Variants in CDHR3 observed in about 807,000 individuals in gnomAD.
CDHR3 encodes the protein cadherin-related family member 3.
A neutral mutation model predicts 86.6 loss-of-function variants in CDHR3; 79 were observed. The ratio of observed to expected loss-of-function variants is 0.91; its 90% CI spans 0.76 to 1.10. The LOEUF is 1.10. CDHR3 is among the 50% of genes least tolerant of loss of function. The pLI, the probability that CDHR3 is intolerant of heterozygous loss-of-function variation, is 0.00. For synonymous variants in CDHR3, 421 were observed against 402.4 expected (o/e 1.05, Z -0.55); for missense variants, 1,081 against 1,077.6 (o/e 1.00, Z -0.04).
At chr7:106,004,160 C>T (rs1833616108) in intron 7 of CDHR3, among the ~76,000 whole-genome samples, 3 of 152,182 alleles carry the variant, frequency 2.0e-5, no homozygotes, top group African/African-American at 7.2e-5. Flanking sequence ...GACTGATCCT[C>T]CAATGTGTGC....
At chr7:105,965,573 C>CCCCA in intron 1 of CDHR3, among the ~76,000 whole-genome samples, 1 of 118,848 alleles carries the variant, frequency 8.4e-6, no homozygotes, top group African/African-American at 2.8e-5. Context: ...CCCCACCCCC[C>CCCCA]CCCATGGAGT....
At position 106,022,365 on chromosome 7, in the gene CDHR3, G is replaced by A. The variant is rs1585825541; in HGVS notation, c.1993G>A (p.Glu665Lys). The A allele has an allele frequency of 6.2e-7, 1 of 1,614,024 alleles. No individual in the cohort carries two copies. ...DNLMSDRKKA[E>K]ALVETGTVTL... is the part of the protein sequence containing the mutation. Reference sequence around the variant, plus strand: ...CTTGATGTCTGACAGGAAGAAAGCGGAGGCTCTTGTTGAGACAGGAACAGT... The same window carrying A: ...CTTGATGTCTGACAGGAAGAAAGCGAAGGCTCTTGTTGAGACAGGAACAGT... The change falls in exon 14 of 19, where the codon GAG becomes AAG. Residue 665 changes from glutamate (E) to lysine (K), a missense_variant. Physicochemically the swap from Glu to Lys is moderately conservative, Grantham distance 56. Transcript: ENST00000317716.
intron 8 of CDHR3, 185 bp downstream of exon 8, chr7:106,004,872 C>T (rs1046573905): frequency 1.8e-5 from 11 of 608,386 alleles, no homozygotes; most frequent in Non-Finnish European, 2.8e-5. Flanking sequence ...TTTCTTCCCT[C>T]TCTTTCATTT....
In CDHR3 at chr7:105,977,249, C is replaced by G. The variant is rs116095389; in HGVS notation, c.249+2203C>G. ...ATAGCCGTAAAAGGTGAAATAAGAA[C>G]TTCATTCAGTCTCCTGATTTCCAGT... On this transcript the variant is annotated intron_variant, in intron 2 of 18. Coordinates refer to ENST00000317716, the MANE Select transcript of CDHR3 (RefSeq NM_152750.5). 2.8e-3 allele frequency among the ~76,000 whole-genome samples: 429 copies of G among 152,332 alleles called. 2 individuals carry two copies. The highest frequency in any genetic ancestry group is 9.3e-3 in the African/African-American group (385 of 41,572).
At chr7:105,986,889 A>G (rs1171503623) in intron 4 of CDHR3, among the ~76,000 whole-genome samples, 3 of 152,146 alleles carry the variant, frequency 2.0e-5, no homozygotes, top group African/African-American at 7.2e-5. Flanking sequence ...TTCAATTGCC[A>G]AGATGTCATA....
Position 106,015,181 on chromosome 7 carries a change from A to G in CDHR3, c.1295A>G (p.Gln432Arg), listed in dbSNP as rs1250252525. ...GGCAATAAATATACGGTGATAATCC[A>G]GGTGCAGGATGTGGCCCCCCCTTAC... ...AAGNKYTVII[Q>R]VQDVAPPYYK... The change falls in exon 10 of 19, where the codon CAG becomes CGG. Residue 432 changes from glutamine to arginine, a missense_variant. Transcript: ENST00000317716. 2 of 1,611,122 alleles carry G rather than the reference A, an allele frequency of 1.2e-6. No homozygotes were observed. The highest frequency in any genetic ancestry group is 2.2e-5 in the East Asian group (1 of 44,852).
intron 4 of CDHR3, among the ~76,000 whole-genome samples, chr7:105,989,215 CA>C (rs200340371): frequency 2.0e-3 from 236 of 117,082 alleles, no homozygotes; most frequent in African/African-American, 7.2e-3. Context: ...TTTGGGTACC[CA>C]CCCCCCCACC....
chr7:105,970,113 C>T (rs1827719065), intron 1 of CDHR3, among the ~76,000 whole-genome samples: 1 of 152,088 alleles, frequency 6.6e-6, no homozygotes, highest in South Asian at 2.1e-4. Flanking sequence ...GTGATGGTCT[C>T]AGGGAGTCCT....
Position 106,032,827 on chromosome 7 carries a change from G to C in CDHR3, c.*130G>C. On this transcript the variant is annotated 3_prime_UTR_variant, in exon 19 of 19. Transcript: ENST00000317716. ...GATTCAGACATCCAGGGTCAAACAT[G>C]GGATGTTTGACAAATTTTTAAACAA... The C allele has an allele frequency of 2.1e-6, 2 of 956,296 alleles. No individual in the cohort carries two copies. The highest frequency in any genetic ancestry group is 3.0e-6 in the Non-Finnish European group (2 of 659,398). The allele number at this position is 956,296 out of a possible 1,614,324, so 59.2% of individuals were successfully genotyped here.
At chr7:106,000,343 C>T (rs1267132570) in intron 6 of CDHR3, among the ~76,000 whole-genome samples, 1 of 152,172 alleles carries the variant, frequency 6.6e-6, no homozygotes, top group Non-Finnish European at 1.5e-5. Flanking sequence ...AGCCCTGGTT[C>T]CTGCCTTTCT....
chr7:106,017,564 GACACACACACAC>G lies in CDHR3; in HGVS notation c.1427-248_1427-237del, dbSNP rs539661927. Reference sequence around the variant, plus strand: ...ACAGAGTGAGACTCCGTCACACACAGACACACACACACACACACACACACACACACACACACA... The same window carrying G: ...ACAGAGTGAGACTCCGTCACACACAGACACACACACACACACACACACACA... On this transcript the variant is annotated intron_variant, in intron 11 of 18. Coordinates refer to ENST00000317716, the MANE Select transcript of CDHR3 (RefSeq NM_152750.5). 1.7e-3 allele frequency among the ~76,000 whole-genome samples: 222 copies of G among 130,640 alleles called. 4 individuals carry two copies. In the South Asian group the frequency reaches 0.043, roughly 25 times the overall value. 85.7% of individuals were successfully genotyped at this position (130,640 alleles called of 152,430 possible). A position where few individuals can be genotyped will look rare whatever the true frequency, so the allele number is the denominator to read the frequency against.
intron 6 of CDHR3, among the ~76,000 whole-genome samples, chr7:105,998,678 G>A (rs1471118152): frequency 1.3e-5 from 2 of 152,108 alleles, no homozygotes; most frequent in Non-Finnish European, 1.5e-5. Flanking sequence ...CAGCTACTCA[G>A]GAAGCTGAGA....
chr7:106,018,186 C>CA, intron 12 of CDHR3, 114 bp downstream of exon 12: 1 of 751,532 alleles, frequency 1.3e-6, no homozygotes, highest in Non-Finnish European at 2.2e-6. Context: ...GTACATCCTG[C>CA]GGATGTGGTG....
intron 17 of CDHR3, among the ~76,000 whole-genome samples, chr7:106,029,228 A>G (rs763024494): frequency 1.3e-5 from 2 of 152,028 alleles, no homozygotes; most frequent in Non-Finnish European, 2.9e-5. Flanking sequence ...TGATCCACCC[A>G]CTGTGGCCTC....
chr7:105,969,433 A>C (rs1827576128), intron 1 of CDHR3, among the ~76,000 whole-genome samples: 1 of 150,064 alleles, frequency 6.7e-6, no homozygotes, highest in Non-Finnish European at 1.5e-5. Flanking sequence ...GTTTCGTTGT[A>C]ACCGTGGGTC....
At chr7:106,006,728 A>C (rs1220257993) in intron 8 of CDHR3, among the ~76,000 whole-genome samples, 1 of 152,080 alleles carries the variant, frequency 6.6e-6, no homozygotes, top group Non-Finnish European at 1.5e-5. Context: ...GGATGCTTTC[A>C]TGGGCTGGCA....
In CDHR3 at chr7:105,981,253, G is replaced by A. The variant is rs560216490; in HGVS notation, c.415+120G>A. 54 of 915,738 alleles carry A rather than the reference G, an allele frequency of 5.9e-5. No individual in the cohort carries two copies. The African/African-American group carries it at 7.0e-4, about 12-fold the overall frequency. The allele number at this position is 915,738 out of a possible 1,614,324, so 56.7% of individuals were successfully genotyped here. A position where few individuals can be genotyped will look rare whatever the true frequency, so the allele number is the denominator to read the frequency against. On this transcript the variant is annotated intron_variant, in intron 3 of 18. Transcript: ENST00000317716. Reference sequence around the variant, plus strand: ...AGCTGTTTCCCTGGAAAAGGCAGCTGCTTAATGAGCAGGGAATAAATGAAA... The same window carrying A: ...AGCTGTTTCCCTGGAAAAGGCAGCTACTTAATGAGCAGGGAATAAATGAAA...
chr7:106,003,758 C>G (rs1454639263), intron 7 of CDHR3, among the ~76,000 whole-genome samples: 2 of 152,042 alleles, frequency 1.3e-5, no homozygotes, highest in African/African-American at 4.8e-5. Flanking sequence ...GCAAAAGACA[C>G]CTATTCCCAG....
chr7:105,974,864 A>G lies in CDHR3; in HGVS notation c.67A>G (p.Ile23Val). Residue 23 changes from isoleucine (I) to valine (V), a missense_variant, in exon 2 of 19, where the codon ATC (isoleucine) becomes GTC (valine). By Grantham distance (29) the Ile-to-Val change is conservative. Coordinates refer to ENST00000317716, the MANE Select transcript of CDHR3 (RefSeq NM_152750.5). ...CACAGGGGGAGAAGCACTACACCTAATCCTCTTACCTGCTACAGGCAATGT... is the reference window on the plus strand; with the variant it reads ...CACAGGGGGAGAAGCACTACACCTAGTCCTCTTACCTGCTACAGGCAATGT... The part of the protein sequence containing the change: ...AMSGGEALHL[I>V]LLPATGNVAE... The G allele has an allele frequency of 6.2e-7, 1 of 1,613,490 alleles. No homozygotes were observed. Among genetic ancestry groups the G allele is most frequent in the Non-Finnish European group, 8.5e-7 (1 of 1,179,664 alleles).
Sources: gnomAD v4.1 joint callset for allele counts (sites outside exome capture counted in the v4.1 genomes callset) on GRCh38, gnomAD v4.1.1 for gene constraint, MANE v1.5 for transcripts, NCBI Gene and HGNC (gene_info 2026-07-23, HGNC 2026-07-21) for gene names.